The following TACC1 variants were observed in gnomAD, a reference collection of about 807,000 sequenced individuals.
The protein encoded by TACC1 is transforming acidic coiled-coil-containing protein 1.
A neutral mutation model predicts 84.4 loss-of-function variants in TACC1; 48 were observed. The observed-to-expected ratio is 0.57, with a 90% confidence interval of 0.45 to 0.72. The LOEUF (loss-of-function observed/expected upper bound fraction) is 0.72. Ranked by LOEUF, TACC1 falls within the 30% of genes least tolerant of loss-of-function variation. TACC1 has a pLI of 0.00. For missense variants in TACC1, 920 were observed against 973.0 expected (o/e 0.95, Z 0.72); for synonymous variants, 372 against 376.3 (o/e 0.99, Z 0.13).
chr8:38,751,679 T>C (rs532566576), intron 3 of TACC1, among the ~76,000 whole-genome samples: 7 of 152,218 alleles, frequency 4.6e-5, no homozygotes, highest in Non-Finnish European at 1.0e-4. Flanking sequence ...GACATAATGC[T>C]ATTGCACACT....
At chr8:38,794,289 T>G (rs1241737405) in intron 2 of TACC1, among the ~76,000 whole-genome samples, 2 of 152,194 alleles carry the variant, frequency 1.3e-5, no homozygotes, top group African/African-American at 4.8e-5. Context: ...TTTTTTAACA[T>G]TTTATTTTCT....
Position 38,852,698 on chromosome 8 carries a change from C to T in TACC1, c.*4675C>T, listed in dbSNP as rs1281049883. Reference sequence around the variant, plus strand: ...GGTAGCAGTAAACTTTTCAGTATTGCTGTTAGCAAGTGTGTGTTTGCCAAT... The same window carrying T: ...GGTAGCAGTAAACTTTTCAGTATTGTTGTTAGCAAGTGTGTGTTTGCCAAT... On this transcript the variant is annotated 3_prime_UTR_variant, in exon 13 of 13. Transcript: ENST00000317827. The T allele has an allele frequency of 6.6e-6, 1 of 152,628 alleles. No homozygotes were observed. The highest frequency in any genetic ancestry group is 1.9e-4 in the East Asian group (1 of 5,200). The allele number at this position is 152,628 out of a possible 1,614,324, so 9.5% of individuals were successfully genotyped here. A position where few individuals can be genotyped will look rare whatever the true frequency, so the allele number is the denominator to read the frequency against.
intron 9 of TACC1, among the ~76,000 whole-genome samples, chr8:38,841,963 C>T (rs1831360163): frequency 6.6e-6 from 1 of 152,098 alleles, no homozygotes; most frequent in Middle Eastern, 3.2e-3. Context: ...CTTACCACAG[C>T]TGTTCTTCTC....
chr8:38,739,582 TCA>T (rs1211191093), intron 1 of TACC1, among the ~76,000 whole-genome samples: 1 of 152,244 alleles, frequency 6.6e-6, no homozygotes, highest in Non-Finnish European at 1.5e-5. Context: ...GATTGATTTG[TCA>T]CAGTCGGCAT....
intron 3 of TACC1, among the ~76,000 whole-genome samples, chr8:38,766,775 G>A (rs542696079): frequency 6.6e-6 from 1 of 152,184 alleles, no homozygotes; most frequent in South Asian, 2.1e-4. Context: ...GCCTGGAAAA[G>A]TTGAGAAACT....
At chr8:38,760,936 A>C (rs895373007) in intron 3 of TACC1, among the ~76,000 whole-genome samples, 1 of 152,198 alleles carries the variant, frequency 6.6e-6, no homozygotes, top group African/African-American at 2.4e-5. Flanking sequence ...CATGAACCAG[A>C]TGCCATGCTG....
chr8:38,820,457 A>G lies in TACC1; in HGVS notation c.1213A>G (p.Asn405Asp). The change falls in exon 3 of 13, where the codon AAC becomes GAC. Residue 405 changes from asparagine (N) to aspartate (D), a missense_variant. Transcript: ENST00000317827. The part of the protein sequence containing the change: ...NPFGSHSVLQ[N>D]SPPLSSEGSY... ...CTTTGGGAGCCACTCTGTTCTGCAG[A>G]ACTCCCCACCCCTCTCTTCTGAGGG... 6.2e-7 allele frequency: 1 copy of G among 1,614,134 alleles called. No homozygotes were observed.
In TACC1 at chr8:38,810,055, A is replaced by G. The variant is rs975751901; in HGVS notation, c.278-9467A>G. Among the ~76,000 whole-genome samples, 3 of 152,200 alleles carry G rather than the reference A, an allele frequency of 2.0e-5. No individual in the cohort carries two copies. The East Asian group carries it at 5.8e-4, about 29-fold the overall frequency. On this transcript the variant is annotated intron_variant, in intron 2 of 12. Transcript: ENST00000317827. ...AGTAGAACTTCTATTTCCATTGCCC[A>G]GATAAAGGACTATCAAGATTTTGCC...
chr8:38,781,120 T>C (rs1815861779), intron 3 of TACC1, among the ~76,000 whole-genome samples: 1 of 152,162 alleles, frequency 6.6e-6, no homozygotes, highest in Admixed American at 6.5e-5. Context: ...GCTTTTGCCT[T>C]TCACTGCCCC....
Position 38,734,754 on chromosome 8 carries a change from T to C in TACC1, c.-675+6083T>C, listed in dbSNP as rs534024695. Among the ~76,000 whole-genome samples, 234 of 152,360 alleles carry C rather than the reference T, an allele frequency of 1.5e-3. 3 individuals are homozygous for C. Among genetic ancestry groups the C allele is most frequent in the Middle Eastern group, 0.01 (3 of 294 alleles). ...CTGGCAGTCGCGTTGCTGGCCAGCCTGAGGGCTGCACTAGCCATAGTTAGC... is the reference window on the plus strand; with the variant it reads ...CTGGCAGTCGCGTTGCTGGCCAGCCCGAGGGCTGCACTAGCCATAGTTAGC... On this transcript the variant is annotated intron_variant, in intron 1 of 14. Coordinates refer to the TACC1 transcript ENST00000518415.
chr8:38,848,000 G>A lies in TACC1; in HGVS notation c.2395G>A (p.Ala799Thr). The change falls in exon 13 of 13, where the codon GCA becomes ACA. Residue 799 changes from alanine to threonine, a missense_variant. Physicochemically the swap from Ala to Thr is moderately conservative, Grantham distance 58. Around this residue, in one of 2 missense-constraint regions of TACC1, gnomAD observed 158 missense variants for 225.6 expected, o/e 0.70. Coordinates refer to ENST00000317827, the MANE Select transcript of TACC1 (RefSeq NM_006283.3). Reference sequence around the variant, plus strand: ...GACAAAAATCTGTGATGAGCTGATTGCAAAGCTGGGAAAGACTGACTGAGA... The same window carrying A: ...GACAAAAATCTGTGATGAGCTGATTACAAAGCTGGGAAAGACTGACTGAGA... ...ELTKICDELIAKLGKTD is the reference protein window; with the variant it reads ...ELTKICDELITKLGKTD 1.9e-6 allele frequency: 3 copies of A among 1,613,892 alleles called. No homozygotes were observed. The highest frequency in any genetic ancestry group is 1.1e-5 in the South Asian group (1 of 91,040).
At chr8:38,784,438 G>A (rs965045051), upstream of TACC1, among the ~76,000 whole-genome samples, 1 of 152,032 alleles carries the variant, frequency 6.6e-6, no homozygotes, top group Admixed American at 6.6e-5. Flanking sequence ...ATGGTGGCAG[G>A]AACCTGTAAT....
intron 6 of TACC1, among the ~76,000 whole-genome samples, chr8:38,833,797 TGA>T (rs1187072303): frequency 3.9e-5 from 6 of 152,228 alleles, no homozygotes; most frequent in Admixed American, 3.3e-4. Context: ...TGGAAAGCAC[TGA>T]GAGTCTGTTT....
At chr8:38,820,699 T>C in intron 3 of TACC1, 64 bp downstream of exon 3, 1 of 1,545,094 alleles carries the variant, frequency 6.5e-7, no homozygotes, top group Non-Finnish European at 8.7e-7. Flanking sequence ...GGCAGCCAGC[T>C]ACTTTTGGCT....
At chr8:38,807,586 T>TTTTCCAATGTGCA (rs1196860416) in intron 2 of TACC1, among the ~76,000 whole-genome samples, 7 of 152,236 alleles carry the variant, frequency 4.6e-5, no homozygotes, top group Admixed American at 2.0e-4. Flanking sequence ...ATGCACATTG[T>TTTTCCAATGTGCA]TTTCCAAGTG....
At chr8:38,732,780 A>G (rs1404511318) in intron 1 of TACC1, among the ~76,000 whole-genome samples, 1 of 152,250 alleles carries the variant, frequency 6.6e-6, no homozygotes, top group East Asian at 1.9e-4. Context: ...GCTCGTAAGC[A>G]TTGGAGTTGG....
chr8:38,768,402 T>C (rs1812697843), intron 3 of TACC1, among the ~76,000 whole-genome samples: 1 of 152,228 alleles, frequency 6.6e-6, no homozygotes, highest in Non-Finnish European at 1.5e-5. Context: ...TTTATAGAAG[T>C]ACAAATGTTG....
chr8:38,784,158 A>G (rs897862846), upstream of TACC1, among the ~76,000 whole-genome samples: 1 of 152,236 alleles, frequency 6.6e-6, no homozygotes, highest in Non-Finnish European at 1.5e-5. Flanking sequence ...TAGGAGCAGC[A>G]GACTGAGAGG....
chr8:38,842,575 C>A, intron 10 of TACC1, 128 bp downstream of exon 10: 1 of 1,021,440 alleles, frequency 9.8e-7, no homozygotes, highest in Non-Finnish European at 1.4e-6. Context: ...GCCTACTGGC[C>A]TTGTATCCTC....
Sources: gnomAD v4.1 joint callset for allele counts (sites outside exome capture counted in the v4.1 genomes callset) on GRCh38, gnomAD v4.1.1 for gene constraint, gnomAD v4.1.1 regional missense constraint, MANE v1.5 for transcripts, NCBI Gene and HGNC (gene_info 2026-07-23, HGNC 2026-07-21) for gene names.